GABPB1: variants seen among roughly 807,000 people sequenced by gnomAD.
The protein encoded by GABPB1 is GA binding protein transcription factor subunit beta 1, also known as GA-binding protein subunit beta-1.
Under a neutral mutation model 45.9 loss-of-function variants are expected in GABPB1, and 15 were observed. The observed-to-expected ratio is 0.33, with a 90% confidence interval of 0.22 to 0.50. The LOEUF (loss-of-function observed/expected upper bound fraction) is 0.50. GABPB1 is among the 20% of genes least tolerant of loss of function. The pLI, the probability that GABPB1 is intolerant of heterozygous loss-of-function variation, is 0.98. For missense variants in GABPB1, 252 were observed against 457.5 expected, an observed-to-expected ratio of 0.55 and a Z score of 4.10; for synonymous variants, 143 against 154.4, an observed-to-expected ratio of 0.93 and a Z score of 0.55.
intron 6 of GABPB1, among the ~76,000 whole-genome samples, chr15:50,297,223 T>C (rs1457568382): frequency 6.6e-6 from 1 of 150,946 alleles, no homozygotes; most frequent in Non-Finnish European, 1.5e-5. Flanking sequence ...TACTTCTTTT[T>C]TTTTTTTGAG....
At chr15:50,337,075 G>GTATATATATATA (rs869106382) in intron 1 of GABPB1, among the ~76,000 whole-genome samples, 43 of 14,126 alleles carry the variant, frequency 3.0e-3, no homozygotes, top group Admixed American at 6.7e-3. Flanking sequence ...ATATGTGTGT[G>GTATATATATATA]TATATATATA....
chr15:50,340,880 AATATTAC>A (rs11277221), intron 1 of GABPB1, among the ~76,000 whole-genome samples: 33,255 of 84,718 alleles, frequency 0.39, 9,834 homozygotes, highest in Middle Eastern at 0.51. Context: ...TACCATATGT[AATATTAC>A]ATATTACATA....
chr15:50,278,416 A>G lies in GABPB1; in HGVS notation c.*216T>C, dbSNP rs1234194069. 3 of 357,864 alleles carry G rather than the reference A, an allele frequency of 8.4e-6. No homozygotes were observed. In the Admixed American group the frequency reaches 1.3e-4, roughly 16 times the overall value. 22.2% of individuals were successfully genotyped at this position (357,864 alleles called of 1,614,324 possible). A position where few individuals can be genotyped will look rare whatever the true frequency, so the allele number is the denominator to read the frequency against. On this transcript the variant is annotated 3_prime_UTR_variant, in exon 9 of 9. Transcript: ENST00000380877. ...AACTCATTTGGAACTGTAAAAAAAA[A>G]AAAACTATTTACAGAATTCAGTTTT...
rs921024118 is a variant in GABPB1, at chr15:50,277,890, A to G, written c.*742T>C. ...AGAACACTGTCATTCCAATAAAACC[A>G]GCTGCCAGCTTACTTCGTTTCAATG... On this transcript the variant is annotated 3_prime_UTR_variant, in exon 9 of 9. Transcript: ENST00000380877. 6.6e-6 allele frequency: 1 copy of G among 152,424 alleles called. No homozygotes were observed. The highest frequency in any genetic ancestry group is 2.1e-4 in the South Asian group (1 of 4,808). 9.4% of individuals were successfully genotyped at this position (152,424 alleles called of 1,614,324 possible).
intron 1 of GABPB1, among the ~76,000 whole-genome samples, chr15:50,328,536 C>T (rs1057499767): frequency 6.6e-6 from 1 of 152,178 alleles, no homozygotes; most frequent in African/African-American, 2.4e-5. Flanking sequence ...ATGTCAATAG[C>T]AACATGCTTG....
At chr15:50,287,417 G>C (rs1457093176) in intron 7 of GABPB1, among the ~76,000 whole-genome samples, 1 of 152,168 alleles carries the variant, frequency 6.6e-6, no homozygotes, top group Non-Finnish European at 1.5e-5. Context: ...GTACCTCAAA[G>C]TGTGACTCTA....
intron 1 of GABPB1, among the ~76,000 whole-genome samples, chr15:50,310,640 T>C (rs11637975): frequency 0.18 from 27,154 of 152,114 alleles, 2,587 homozygotes; most frequent in Middle Eastern, 0.23. Context: ...TCACATTCTA[T>C]GAAAATACTA....
intron 8 of GABPB1, among the ~76,000 whole-genome samples, chr15:50,279,918 T>C (rs2140959830): frequency 6.6e-6 from 1 of 152,320 alleles, no homozygotes; most frequent in Non-Finnish European, 1.5e-5. Flanking sequence ...GTATATCCTC[T>C]GCCTCCTTGA....
intron 8 of GABPB1, among the ~76,000 whole-genome samples, chr15:50,282,560 G>GAAAAAAAAAAATAAAAAAAAAAAAAA (rs2046014824): frequency 1.1e-5 from 1 of 88,992 alleles, no homozygotes; most frequent in African/African-American, 3.8e-5. Context: ...CCTTAAAAAA[G>GAAAAAAAAAAATAAAAAAAAAAAAAA]AAAAAAAAAA....
At chr15:50,314,187 A>AC (rs2047228841) in intron 1 of GABPB1, among the ~76,000 whole-genome samples, 1 of 139,862 alleles carries the variant, frequency 7.1e-6, no homozygotes, top group Non-Finnish European at 1.6e-5. Flanking sequence ...TTATTTATTT[A>AC]TTTATTTATT....
At chr15:50,283,300 A>T (rs2046048588) in intron 8 of GABPB1, among the ~76,000 whole-genome samples, 1 of 152,110 alleles carries the variant, frequency 6.6e-6, no homozygotes, top group Non-Finnish European at 1.5e-5. Flanking sequence ...TAAATGGAAG[A>T]TAAAATTATA....
At chr15:50,353,601 A>C (rs1290813489) in intron 1 of GABPB1, 4 of 152,194 alleles carry the variant, frequency 2.6e-5, no homozygotes, top group African/African-American at 9.6e-5. Flanking sequence ...AAGAGAAAAG[A>C]AAATAAAGTC....
In GABPB1 at chr15:50,325,725, G is replaced by A. The variant is rs529376544; in HGVS notation, c.1-15927C>T. Among the ~76,000 whole-genome samples, 10 of 151,674 alleles carry A rather than the reference G, an allele frequency of 6.6e-5. No individual in the cohort carries two copies. The East Asian group carries it at 2.0e-3, about 30-fold the overall frequency. On this transcript the variant is annotated intron_variant, in intron 1 of 8. Transcript: ENST00000380877. ...TTTTTGTATTTTTAGTAGAGATGGG[G>A]TATCACCCTGTTAGCCAGGATGGTC...
chr15:50,343,189 G>A (rs1042274058), intron 1 of GABPB1, among the ~76,000 whole-genome samples: 2 of 151,840 alleles, frequency 1.3e-5, no homozygotes, highest in Non-Finnish European at 1.5e-5. Context: ...GTGAGCCACC[G>A]TGCCCCGCAG....
chr15:50,336,935 C>T (rs1408045381), intron 1 of GABPB1, among the ~76,000 whole-genome samples: 1 of 151,024 alleles, frequency 6.6e-6, no homozygotes, highest in African/African-American at 2.4e-5. Context: ...GTCCCAGCTA[C>T]TCAGGAAGCT....
intron 1 of GABPB1, among the ~76,000 whole-genome samples, chr15:50,345,751 G>T (rs183246371): frequency 6.6e-6 from 1 of 151,052 alleles, no homozygotes; most frequent in African/African-American, 2.4e-5. Flanking sequence ...TCGCTCTGTC[G>T]CCTAGTCTGG....
At chr15:50,354,720 G>T in intron 1 of GABPB1, 1 of 316,102 alleles carries the variant, frequency 3.2e-6, no homozygotes, top group Admixed American at 5.4e-5. Context: ...AGGGGGCGGC[G>T]GCCGCCACCA....
In GABPB1 at chr15:50,354,576, C is replaced by T. The variant is rs1394804453; in HGVS notation, c.-1+409G>A. ...AGCCGCGCCTGCCTTCCTCTTTCTC[C>T]CGCCCACTGCCAACCTCCAGTCGCC... is the stretch of plus-strand genomic sequence containing the variant. On this transcript the variant is annotated intron_variant, in intron 1 of 8. Coordinates refer to ENST00000380877, the MANE Select transcript of GABPB1 (RefSeq NM_016654.5). 12 of 448,986 alleles carry T rather than the reference C, an allele frequency of 2.7e-5. No individual in the cohort carries two copies. The Admixed American group carries it at 2.8e-4, about 11-fold the overall frequency. 27.8% of individuals were successfully genotyped at this position (448,986 alleles called of 1,614,324 possible).
chr15:50,316,830 ATAAAC>A (rs1267420255), intron 1 of GABPB1, among the ~76,000 whole-genome samples: 2 of 152,176 alleles, frequency 1.3e-5, no homozygotes, highest in African/African-American at 4.8e-5. Context: ...TGTAGTATAT[ATAAAC>A]TAGACAGTCA....
Sources: gnomAD v4.1 joint callset for allele counts (sites outside exome capture counted in the v4.1 genomes callset) on GRCh38, gnomAD v4.1.1 for gene constraint, MANE v1.5 for transcripts, NCBI Gene and HGNC (gene_info 2026-07-23, HGNC 2026-07-21) for gene names.